The following AKIP1 variants were observed in gnomAD, a reference collection of about 807,000 sequenced individuals.
AKIP1 encodes the protein A-kinase interacting protein 1.
AKIP1 carries 18 observed loss-of-function variants against 22.3 expected under a neutral mutation model. The observed-to-expected ratio is 0.81, with a 90% confidence interval of 0.56 to 1.19. The LOEUF (loss-of-function observed/expected upper bound fraction) is 1.19, where lower values mean the gene tolerates loss of function less well. Ranked by LOEUF, AKIP1 falls within the 50% of genes most tolerant of loss-of-function variation. AKIP1 has a pLI of 0.00. For missense variants in AKIP1, 287 were observed against 264.6 expected (o/e 1.08, Z -0.59); for synonymous variants, 120 against 102.7 (o/e 1.17, Z -1.02).
At chr11:8,911,760 A>G in intron 2 of AKIP1, 89 bp downstream of exon 2, 1 of 1,302,152 alleles carries the variant, frequency 7.7e-7, no homozygotes, top group South Asian at 1.5e-5. Flanking sequence ...GAAGCAGCTG[A>G]GGAAACCTTC....
chr11:8,911,243 AGCGG>A lies in AKIP1; in HGVS notation c.-7+21_-7+24del. 15 of 568,674 alleles carry A rather than the reference AGCGG, an allele frequency of 2.6e-5. No homozygotes were observed. Among genetic ancestry groups the A allele is most frequent in the Admixed American group, 9.9e-5 (3 of 30,410 alleles). The allele number at this position is 568,674 out of a possible 1,614,324, so 35.2% of individuals were successfully genotyped here. On this transcript the variant is annotated intron_variant, in intron 1 of 5. Coordinates refer to ENST00000309377, the MANE Select transcript of AKIP1 (RefSeq NM_020642.4). ...AGCCGGGTGAGGGGGCTCCCTAAGT[AGCGG>A]AAGGGGTAGATGAAAATGGAAGGGG...
At chr11:8,919,248 C>T in intron 5 of AKIP1, 89 bp from the exon 6 acceptor site, 1 of 1,307,302 alleles carries the variant, frequency 7.6e-7, no homozygotes. Flanking sequence ...TTCCATCACA[C>T]CTCTGCAAGG....
At position 8,914,938 on chromosome 11, in the gene AKIP1, T is replaced by C; in HGVS notation, c.408+8T>C. 3 of 1,603,338 alleles carry C rather than the reference T, an allele frequency of 1.9e-6. No homozygotes were observed. The highest frequency in any genetic ancestry group is 2.6e-6 in the Non-Finnish European group (3 of 1,170,772). On this transcript the variant is annotated splice_region_variant and intron_variant, in intron 4 of 5. Transcript: ENST00000309377. ...GACATAGGGAATGGTCAGGTAAGTG[T>C]ACTCAACTGTCCTGCACCATGCCTT...
chr11:8,911,221 C>T lies in AKIP1; in HGVS notation c.-9C>T. ...CGCGCATGCGCCTTGACGAGTGAGC[C>T]GGGTGAGGGGGCTCCCTAAGTAGCG... On this transcript the variant is annotated splice_region_variant and 5_prime_UTR_variant, in exon 1 of 6. Coordinates refer to ENST00000309377, the MANE Select transcript of AKIP1 (RefSeq NM_020642.4). 5.8e-5 allele frequency: 32 copies of T among 547,182 alleles called. No individual in the cohort carries two copies. The highest frequency in any genetic ancestry group is 2.0e-4 in the South Asian group (8 of 40,782). The allele number at this position is 547,182 out of a possible 1,614,324, so 33.9% of individuals were successfully genotyped here.
intron 4 of AKIP1, among the ~76,000 whole-genome samples, chr11:8,915,777 G>A (rs1025799337): frequency 1.4e-5 from 2 of 147,956 alleles, no homozygotes; most frequent in Non-Finnish European, 1.5e-5. Flanking sequence ...CTGGGACTAC[G>A]TGCACACACC....
At chr11:8,915,367 T>C (rs2064466746) in intron 4 of AKIP1, among the ~76,000 whole-genome samples, 1 of 135,102 alleles carries the variant, frequency 7.4e-6, no homozygotes, top group African/African-American at 2.7e-5. Flanking sequence ...TCTTTTTTTT[T>C]TTTTTTTTTT....
intron 3 of AKIP1, among the ~76,000 whole-genome samples, chr11:8,914,067 G>A (rs1589922215): frequency 6.6e-6 from 1 of 152,190 alleles, no homozygotes; most frequent in Non-Finnish European, 1.5e-5. Flanking sequence ...ACAGTTTGAA[G>A]CAGCCACTAA....
chr11:8,913,502 T>C (rs1273670046), intron 3 of AKIP1, among the ~76,000 whole-genome samples: 1 of 152,168 alleles, frequency 6.6e-6, no homozygotes, highest in Non-Finnish European at 1.5e-5. Flanking sequence ...CATCTTTCGA[T>C]ACTTAGGGAA....
At chr11:8,915,358 C>CTTT (rs559350653) in intron 4 of AKIP1, among the ~76,000 whole-genome samples, 9 of 83,986 alleles carry the variant, frequency 1.1e-4, no homozygotes, top group African/African-American at 4.0e-4. Context: ...TTTTTTTTTT[C>CTTT]TTTTTTTTTT....
chr11:8,916,006 G>C (rs1201753175), intron 4 of AKIP1, among the ~76,000 whole-genome samples: 8 of 151,774 alleles, frequency 5.3e-5, no homozygotes, highest in African/African-American at 1.9e-4. Context: ...ATTTTTAGTG[G>C]AGACGGGGTT....
intron 4 of AKIP1, 82 bp downstream of exon 4, chr11:8,915,012 T>G: frequency 9.4e-7 from 1 of 1,069,086 alleles, no homozygotes; most frequent in South Asian, 1.5e-5. Context: ...CTGCTAGACT[T>G]TGTGTCACTG....
At chr11:8,916,332 TG>T (rs2064485750) in intron 4 of AKIP1, among the ~76,000 whole-genome samples, 1 of 152,202 alleles carries the variant, frequency 6.6e-6, no homozygotes, top group African/African-American at 2.4e-5. Flanking sequence ...AAATACTTTT[TG>T]TAAAGGTAAT....
chr11:8,918,850 T>A (rs1353750169), intron 5 of AKIP1, among the ~76,000 whole-genome samples: 4 of 152,232 alleles, frequency 2.6e-5, no homozygotes, highest in African/African-American at 9.6e-5. Flanking sequence ...TTCACTCAAA[T>A]TGTTCTGAGC....
At chr11:8,914,784 A>G in intron 3 of AKIP1, 42 bp from the exon 4 acceptor site, 1 of 1,509,604 alleles carries the variant, frequency 6.6e-7, no homozygotes, top group Non-Finnish European at 9.2e-7. Flanking sequence ...AAATTTGACA[A>G]GACAATTTGG....
chr11:8,913,974 C>T (rs953740472), intron 3 of AKIP1, among the ~76,000 whole-genome samples: 5 of 152,192 alleles, frequency 3.3e-5, no homozygotes, highest in Admixed American at 6.5e-5. Flanking sequence ...TGCTTCAGTT[C>T]AAGTCTCTGT....
At chr11:8,913,331 G>T (rs1432714852) in intron 3 of AKIP1, among the ~76,000 whole-genome samples, 1 of 151,920 alleles carries the variant, frequency 6.6e-6, no homozygotes, top group Non-Finnish European at 1.5e-5. Context: ...GGGACTACAG[G>T]CACATGCCAC....
Position 8,914,938 on chromosome 11 carries a change from T to G in AKIP1, c.408+8T>G, listed in dbSNP as rs1371108215. 4 of 1,603,338 alleles carry G rather than the reference T, an allele frequency of 2.5e-6. No individual in the cohort carries two copies. Among genetic ancestry groups the G allele is most frequent in the Non-Finnish European group, 3.4e-6 (4 of 1,170,772 alleles). ...GACATAGGGAATGGTCAGGTAAGTGTACTCAACTGTCCTGCACCATGCCTT... is the reference window on the plus strand; with the variant it reads ...GACATAGGGAATGGTCAGGTAAGTGGACTCAACTGTCCTGCACCATGCCTT... On this transcript the variant is annotated splice_region_variant and intron_variant, in intron 4 of 5. Coordinates refer to ENST00000309377, the MANE Select transcript of AKIP1 (RefSeq NM_020642.4).
At chr11:8,914,187 A>G (rs1206108733) in intron 3 of AKIP1, among the ~76,000 whole-genome samples, 1 of 152,186 alleles carries the variant, frequency 6.6e-6, no homozygotes, top group Non-Finnish European at 1.5e-5. Context: ...CAGGGCTGTG[A>G]TGTCATTAGT....
rs2064339423 is a variant in AKIP1, at chr11:8,911,410, C to G, written c.-6-34C>G. The G allele has an allele frequency of 2.6e-6, 4 of 1,526,636 alleles. No homozygotes were observed. In the East Asian group the frequency reaches 9.7e-5, roughly 37 times the overall value. The allele number at this position is 1,526,636 out of a possible 1,614,324, so 94.6% of individuals were successfully genotyped here. ...AGCAGGGTCGCCGCGGCCCAGCTGA[C>G]CCGCCGGCGTTTGTACGTTGTGTGC... On this transcript the variant is annotated intron_variant, in intron 1 of 5. Coordinates refer to ENST00000309377, the MANE Select transcript of AKIP1 (RefSeq NM_020642.4).
Sources: allele counts gnomAD v4.1 joint callset (sites outside exome capture counted in the v4.1 genomes callset), GRCh38; gene constraint gnomAD v4.1.1; transcripts MANE v1.5; gene names NCBI Gene and HGNC (gene_info 2026-07-23, HGNC 2026-07-21).